Variants in RTL4 observed in about 807,000 individuals in gnomAD.
The protein encoded by RTL4 is retrotransposon Gag-like protein 4.
A neutral mutation model predicts 5.3 loss-of-function variants in RTL4; 4 were observed. The observed-to-expected ratio is 0.75, with a 90% CI of 0.37 to 1.72. The LOEUF (loss-of-function observed/expected upper bound fraction) is 1.72. Among genes scored for constraint, RTL4 ranks in the 40% most tolerant of loss-of-function variants. The pLI is 0.04. For missense variants in RTL4, 260 were observed against 227.1 expected, an observed-to-expected ratio of 1.14 and a Z score of -0.93; for synonymous variants, 98 against 87.3, an observed-to-expected ratio of 1.12 and a Z score of -0.68.
chrX:112,342,526 CT>C, the RTL4 span, among the ~76,000 whole-genome samples: 1 of 111,692 alleles, frequency 9.0e-6, no homozygotes, highest in Non-Finnish European at 1.9e-5. Context: ...TGATTGTTTA[CT>C]TTTTGCTTGA....
chrX:112,398,181 T>C, the RTL4 span, among the ~76,000 whole-genome samples: 1 of 110,858 alleles, frequency 9.0e-6, no homozygotes, highest in Non-Finnish European at 1.9e-5. Flanking sequence ...TGCATAGAGC[T>C]TTTATCAGGA....
At chrX:112,240,292 GA>G in the RTL4 span, among the ~76,000 whole-genome samples, 2 of 111,328 alleles carry the variant, frequency 1.8e-5, no homozygotes, top group South Asian at 3.8e-4. Context: ...AAAATAGGAT[GA>G]AAAAATATAA....
the RTL4 span, among the ~76,000 whole-genome samples, chrX:112,255,719 A>G: frequency 2.7e-5 from 3 of 111,932 alleles, no homozygotes; most frequent in South Asian, 7.4e-4. Flanking sequence ...AAATAAGTCT[A>G]ACTTCTCTTG....
At chrX:112,244,025 C>A in the RTL4 span, among the ~76,000 whole-genome samples, 1 of 112,003 alleles carries the variant, frequency 8.9e-6, no homozygotes, top group Non-Finnish European at 1.9e-5. Flanking sequence ...TTTCTTAATC[C>A]TGAGGTCTAA....
At chrX:112,118,559 T>C in the RTL4 span, among the ~76,000 whole-genome samples, 6 of 112,200 alleles carry the variant, frequency 5.3e-5, no homozygotes, top group African/African-American at 1.9e-4. Context: ...ACTTCATTTA[T>C]ATGATATTTG....
chrX:112,226,578 T>A, the RTL4 span, among the ~76,000 whole-genome samples: 1 of 111,475 alleles, frequency 9.0e-6, no homozygotes, highest in African/African-American at 3.3e-5. Flanking sequence ...GATAGTCACC[T>A]CTCTAAGCTA....
the RTL4 span, among the ~76,000 whole-genome samples, chrX:112,110,660 A>C: frequency 1.8e-5 from 2 of 112,381 alleles, no homozygotes; most frequent in Non-Finnish European, 3.8e-5. Flanking sequence ...ATATTAACTT[A>C]GAATTGGTAT....
At chrX:112,348,394 C>A in the RTL4 span, among the ~76,000 whole-genome samples, 3 of 106,547 alleles carry the variant, frequency 2.8e-5, no homozygotes, top group East Asian at 5.8e-4. Flanking sequence ...TGTTTCATAT[C>A]ATTTAGGTGA....
the RTL4 span, among the ~76,000 whole-genome samples, chrX:112,142,380 T>C: frequency 8.9e-6 from 1 of 112,267 alleles, no homozygotes; most frequent in African/African-American, 3.2e-5. Flanking sequence ...AGCCACAAAA[T>C]ATAATCCACA....
the RTL4 span, among the ~76,000 whole-genome samples, chrX:112,228,047 A>G: frequency 9.0e-6 from 1 of 111,517 alleles, no homozygotes; most frequent in African/African-American, 3.3e-5. Flanking sequence ...AGGTATGACA[A>G]TATTTGGACA....
chrX:112,414,591 C>A, the RTL4 span, among the ~76,000 whole-genome samples: 1 of 111,593 alleles, frequency 9.0e-6, no homozygotes, highest in East Asian at 2.8e-4. Flanking sequence ...AAGGTGAAAT[C>A]CTTGCCATCT....
the RTL4 span, among the ~76,000 whole-genome samples, chrX:112,364,071 C>T: frequency 8.9e-6 from 1 of 112,220 alleles, no homozygotes; most frequent in African/African-American, 3.2e-5. Flanking sequence ...GTCACTTAGT[C>T]AGGACTTGTT....
chrX:112,300,983 C>A, the RTL4 span, among the ~76,000 whole-genome samples: 1 of 111,288 alleles, frequency 9.0e-6, no homozygotes, highest in Admixed American at 9.6e-5. Flanking sequence ...GGGGACTGAG[C>A]CAAGGGAACA....
At chrX:112,222,206 T>C in the RTL4 span, among the ~76,000 whole-genome samples, 1 of 111,629 alleles carries the variant, frequency 9.0e-6, no homozygotes, top group Non-Finnish European at 1.9e-5. Context: ...CCATGTGTTA[T>C]CTTGGAGACT....
upstream of RTL4, among the ~76,000 whole-genome samples, chrX:112,454,291 G>T (rs1404724269): frequency 8.9e-6 from 1 of 112,025 alleles, no homozygotes; most frequent in Non-Finnish European, 1.9e-5. Context: ...GTGTTGGGCT[G>T]CATTCAAAGC....
the RTL4 span, among the ~76,000 whole-genome samples, chrX:112,279,099 A>G: frequency 1.8e-5 from 2 of 110,880 alleles, no homozygotes; most frequent in African/African-American, 6.5e-5. Flanking sequence ...AAGTAGGCCC[A>G]CATCTAGATA....
chrX:112,093,816 G>T, the RTL4 span, among the ~76,000 whole-genome samples: 1 of 111,898 alleles, frequency 8.9e-6, no homozygotes, highest in African/African-American at 3.2e-5. Flanking sequence ...TCCAGACAAA[G>T]GTAATAGCGT....
At chrX:112,334,654 T>G in the RTL4 span, among the ~76,000 whole-genome samples, 1 of 112,205 alleles carries the variant, frequency 8.9e-6, no homozygotes, top group Non-Finnish European at 1.9e-5. Context: ...TTTCTGCTTC[T>G]TAATTAGAAT....
At chrX:112,452,089 CTT>C (rs763942705), upstream of RTL4, among the ~76,000 whole-genome samples, 110 of 90,949 alleles carry the variant, frequency 1.2e-3, no homozygotes, top group African/African-American at 3.8e-3. Context: ...TGGGAAAGAC[CTT>C]TTTTTTTTTT....
Sources: gnomAD v4.1 joint callset for allele counts (sites outside exome capture counted in the v4.1 genomes callset) on GRCh38, gnomAD v4.1.1 for gene constraint, MANE v1.5 for transcripts, NCBI Gene and HGNC (gene_info 2026-07-23, HGNC 2026-07-21) for gene names.